The following ANKRD29 variants were observed in gnomAD, a reference collection of about 807,000 sequenced individuals.
The protein encoded by ANKRD29 is ankyrin repeat domain-containing protein 29.
A neutral mutation model predicts 38.0 loss-of-function variants in ANKRD29; 32 were observed. That is an observed-to-expected ratio of 0.84 (90% CI 0.64 to 1.13). The LOEUF is 1.13. ANKRD29 is among the 50% of genes most tolerant of loss of function. The probability of loss-of-function intolerance (pLI) is 0.00; values close to 1 mark genes in which losing one functional copy is unlikely to be tolerated. For missense variants in ANKRD29, 357 were observed against 377.9 expected (o/e 0.94, Z 0.46); for synonymous variants, 135 against 152.4 (o/e 0.89, Z 0.84).
chr18:23,626,269 C>T (rs903740883), intron 6 of ANKRD29, among the ~76,000 whole-genome samples: 4 of 152,188 alleles, frequency 2.6e-5, no homozygotes, highest in Non-Finnish European at 5.9e-5. Flanking sequence ...GACTTTTCCT[C>T]CAGCCTTCAA....
chr18:23,658,849 G>T (rs1254035986), intron 1 of ANKRD29, among the ~76,000 whole-genome samples: 2 of 152,194 alleles, frequency 1.3e-5, no homozygotes, highest in Non-Finnish European at 2.9e-5. Flanking sequence ...GCATGCACAG[G>T]TGGCCATCTG....
At position 23,646,235 on chromosome 18, in the gene ANKRD29, A is replaced by G; in HGVS notation, c.185T>C (p.Val62Ala). 6.2e-7 allele frequency: 1 copy of G among 1,614,096 alleles called. No homozygotes were observed. The highest frequency in any genetic ancestry group is 8.5e-7 in the Non-Finnish European group (1 of 1,179,986). ...VAAYAGHIDC[V>A]RELVLQGADI... is the part of the protein sequence containing the mutation. ...TGCTCCTTGCAGAACCAGTTCCCTC[A>G]CACAGTCTATGTGGCCAGCGTAGGC... Residue 62 changes from valine (V) to alanine (A), a missense_variant, in exon 3 of 10, where the codon GTG becomes GCG. Transcript: ENST00000592179.
intron 6 of ANKRD29, among the ~76,000 whole-genome samples, chr18:23,625,467 T>TA (rs1468439964): frequency 1.3e-5 from 2 of 150,318 alleles, no homozygotes; most frequent in African/African-American, 2.5e-5. Context: ...ACAAAACTGG[T>TA]AAAAAAAGAA....
At chr18:23,636,032 A>G (rs2059998431) in intron 4 of ANKRD29, among the ~76,000 whole-genome samples, 1 of 152,226 alleles carries the variant, frequency 6.6e-6, no homozygotes, top group South Asian at 2.1e-4. Flanking sequence ...TCTAAGCTTT[A>G]TCCTGTCAAT....
intron 4 of ANKRD29, among the ~76,000 whole-genome samples, chr18:23,636,779 G>A (rs1021314014): frequency 6.6e-6 from 1 of 151,994 alleles, no homozygotes; most frequent in Non-Finnish European, 1.5e-5. Context: ...TCGCCATATT[G>A]CCCAGGCTGG....
intron 2 of ANKRD29, 36 bp downstream of exon 2, chr18:23,649,047 G>A (rs1343274611): frequency 1.3e-6 from 2 of 1,542,494 alleles, no homozygotes; most frequent in African/African-American, 2.7e-5. Flanking sequence ...GAGGGCAATG[G>A]TGCATGCTGG....
intron 1 of ANKRD29, among the ~76,000 whole-genome samples, chr18:23,657,199 C>T (rs913079615): frequency 1.3e-5 from 2 of 152,236 alleles, no homozygotes; most frequent in Non-Finnish European, 2.9e-5. Flanking sequence ...GCTTGCCAGC[C>T]TCCTTTCTAC....
chr18:23,634,598 C>T (rs1182711663), intron 4 of ANKRD29, among the ~76,000 whole-genome samples: 1 of 152,018 alleles, frequency 6.6e-6, no homozygotes, highest in Non-Finnish European at 1.5e-5. Context: ...CCTACTTTCC[C>T]TCTTTTATCC....
chr18:23,660,775 C>G (rs1819047981), intron 1 of ANKRD29, among the ~76,000 whole-genome samples: 1 of 152,218 alleles, frequency 6.6e-6, no homozygotes, highest in South Asian at 2.1e-4. Flanking sequence ...CCACTGCACT[C>G]TAGCCTGGGT....
intron 5 of ANKRD29, among the ~76,000 whole-genome samples, chr18:23,630,949 C>T (rs1029799698): frequency 2.1e-5 from 1 of 47,054 alleles, no homozygotes; most frequent in Non-Finnish European, 4.4e-5. Context: ...GCTTAGGGAA[C>T]AAAGTGAGAC....
At chr18:23,643,506 T>C (rs985163148) in intron 3 of ANKRD29, among the ~76,000 whole-genome samples, 21 of 152,246 alleles carry the variant, frequency 1.4e-4, no homozygotes, top group Non-Finnish European at 1.3e-4. Flanking sequence ...GCTTTCTTGG[T>C]ACATTAATTA....
At position 23,619,551 on chromosome 18, in the gene ANKRD29, C is replaced by T. The variant is rs1319557109; in HGVS notation, c.607G>A (p.Asp203Asn). 2 of 1,594,986 alleles carry T rather than the reference C, an allele frequency of 1.3e-6. No homozygotes were observed. Among genetic ancestry groups the T allele is most frequent in the African/African-American group, 1.3e-5 (1 of 74,688 alleles). Residue 203 changes from aspartate to asparagine, a missense_variant, in exon 7 of 10, where the codon GAC becomes AAC. Coordinates refer to ENST00000592179, the MANE Select transcript of ANKRD29 (RefSeq NM_173505.4). ...VVRVMLLRGA[D>N]RDAARNDGTT... The stretch of plus-strand genomic sequence containing the variant: ...CTCACGTTCCGCGCAGCGTCGCGGT[C>T]GGCTCCGCGCAGCAGCATCACCCGC...
At chr18:23,633,805 G>A (rs548875115) in intron 5 of ANKRD29, among the ~76,000 whole-genome samples, 1 of 152,152 alleles carries the variant, frequency 6.6e-6, no homozygotes, top group South Asian at 2.1e-4. Flanking sequence ...TCCTGACCTT[G>A]TGATCCACCC....
intron 3 of ANKRD29, among the ~76,000 whole-genome samples, chr18:23,645,665 G>GAAGTGTGGGA (rs1337702206): frequency 1.3e-5 from 2 of 152,212 alleles, no homozygotes; most frequent in African/African-American, 2.4e-5. Flanking sequence ...GTCCTTGAAT[G>GAAGTGTGGGA]AAGTGTGGGA....
At chr18:23,624,049 GA>G (rs2059829356) in intron 6 of ANKRD29, among the ~76,000 whole-genome samples, 1 of 152,084 alleles carries the variant, frequency 6.6e-6, no homozygotes, top group Non-Finnish European at 1.5e-5. Flanking sequence ...ACCAAAATGT[GA>G]AAAAACATTT....
At chr18:23,646,460 A>G in intron 2 of ANKRD29, 173 bp from the exon 3 acceptor site, 2 of 485,776 alleles carry the variant, frequency 4.1e-6, no homozygotes, top group Non-Finnish European at 7.2e-6. Context: ...AGATGGGAAA[A>G]AGCAAAGTGA....
At chr18:23,617,055 C>T (rs2059732798) in intron 8 of ANKRD29, among the ~76,000 whole-genome samples, 1 of 151,920 alleles carries the variant, frequency 6.6e-6, no homozygotes, top group Non-Finnish European at 1.5e-5. Flanking sequence ...CCCGTCTCTA[C>T]TAAAAATACA....
At chr18:23,613,282 C>T (rs1599068889) in intron 8 of ANKRD29, among the ~76,000 whole-genome samples, 1 of 150,216 alleles carries the variant, frequency 6.7e-6, no homozygotes, top group Non-Finnish European at 1.5e-5. Flanking sequence ...AAACGATTCT[C>T]GTGCCTCAGC....
At chr18:23,602,278 C>G (rs554449431) in intron 9 of ANKRD29, among the ~76,000 whole-genome samples, 2 of 152,064 alleles carry the variant, frequency 1.3e-5, no homozygotes, top group Non-Finnish European at 2.9e-5. Flanking sequence ...TCAAGTGATC[C>G]GCCCGCCTCC....
Sources: allele counts gnomAD v4.1 joint callset (sites outside exome capture counted in the v4.1 genomes callset), GRCh38; gene constraint gnomAD v4.1.1; transcripts MANE v1.5; gene names NCBI Gene and HGNC (gene_info 2026-07-23, HGNC 2026-07-21).